The following RGS5 variants were observed in gnomAD, a reference collection of about 807,000 sequenced individuals.
The protein encoded by RGS5 is regulator of G-protein signalling 5.
Under a neutral mutation model 18.9 loss-of-function variants are expected in RGS5, and 20 were observed. The ratio of observed to expected loss-of-function variants is 1.06; its 90% CI spans 0.74 to 1.54. RGS5 has a LOEUF of 1.54. RGS5 is among the 40% of genes most tolerant of loss of function. RGS5 has a pLI of 0.00. For synonymous variants in RGS5, 57 were observed against 76.2 expected, an observed-to-expected ratio of 0.75 and a Z score of 1.31; for missense variants, 201 against 211.8, an observed-to-expected ratio of 0.95 and a Z score of 0.32.
upstream of RGS5, among the ~76,000 whole-genome samples, chr1:163,222,390 C>T (rs1647247153): frequency 2.6e-5 from 4 of 152,040 alleles, no homozygotes; most frequent in Non-Finnish European, 5.9e-5. Context: ...ACCACCAACC[C>T]CCCACCCCAT....
At chr1:163,158,874 G>A (rs938735218) in intron 3 of RGS5, among the ~76,000 whole-genome samples, 2 of 152,286 alleles carry the variant, frequency 1.3e-5, no homozygotes, top group African/African-American at 2.4e-5. Flanking sequence ...AAGCCTGGGA[G>A]CGCTACGGGA....
At chr1:163,210,246 G>A (rs1660071750) in intron 1 of RGS5, among the ~76,000 whole-genome samples, 1 of 151,990 alleles carries the variant, frequency 6.6e-6, no homozygotes, top group Admixed American at 6.6e-5. Context: ...CAATCCGCTT[G>A]CCTTGTCCTC....
At chr1:163,223,871 G>A (rs531945667) in intron 2 of RGS5, among the ~76,000 whole-genome samples, 51 of 152,256 alleles carry the variant, frequency 3.3e-4, no homozygotes, top group Non-Finnish European at 6.8e-4. Context: ...TCTATTTATA[G>A]GTCTGGGAGC....
At chr1:163,242,843 A>G (rs11804244) in intron 2 of RGS5, among the ~76,000 whole-genome samples, 30,411 of 152,200 alleles carry the variant, frequency 0.2, 3,441 homozygotes, top group Non-Finnish European at 0.25. Context: ...CAGTAGTGAC[A>G]TGATCAGATC....
At chr1:163,219,739 TTAAAAAG>T (rs1660295077), upstream of RGS5, among the ~76,000 whole-genome samples, 1 of 152,196 alleles carries the variant, frequency 6.6e-6, no homozygotes, top group South Asian at 2.1e-4. Flanking sequence ...CAATAATTTT[TTAAAAAG>T]TAAAATGTCC....
intron 2 of RGS5, among the ~76,000 whole-genome samples, chr1:163,276,966 C>T (rs972419993): frequency 1.3e-5 from 2 of 152,134 alleles, no homozygotes; most frequent in African/African-American, 2.4e-5. Flanking sequence ...TATCCTCCTC[C>T]CTTTTGGACT....
chr1:163,229,217 G>A (rs776972054), intron 2 of RGS5, among the ~76,000 whole-genome samples: 5 of 152,086 alleles, frequency 3.3e-5, no homozygotes, highest in South Asian at 4.1e-4. Flanking sequence ...GTTCCATATC[G>A]CTGGGGAGGC....
intron 2 of RGS5, among the ~76,000 whole-genome samples, chr1:163,271,630 T>A (rs1345055095): frequency 6.6e-6 from 1 of 152,222 alleles, no homozygotes; most frequent in Non-Finnish European, 1.5e-5. Context: ...GTCACTCTTT[T>A]ACTTTTCATT....
At chr1:163,206,919 T>C (rs1659968383), upstream of RGS5, 1 of 152,228 alleles carries the variant, frequency 6.6e-6, no homozygotes, top group South Asian at 2.1e-4. Context: ...TGTGTTTTGA[T>C]TTATATAAAT....
At chr1:163,171,689 GAACAA>G (rs1264600993) in intron 1 of RGS5, among the ~76,000 whole-genome samples, 7 of 152,244 alleles carry the variant, frequency 4.6e-5, no homozygotes, top group African/African-American at 1.7e-4. Flanking sequence ...GGGATAATTA[GAACAA>G]AGAAATCGAA....
intron 2 of RGS5, chr1:163,237,588 G>C (rs981532157): frequency 6.6e-6 from 1 of 152,346 alleles, no homozygotes; most frequent in African/African-American, 2.4e-5. Flanking sequence ...GGGAGGCTGA[G>C]GCAAGAGAAT....
intron 2 of RGS5, among the ~76,000 whole-genome samples, chr1:163,261,854 C>A (rs941848387): frequency 2.6e-5 from 4 of 152,020 alleles, no homozygotes; most frequent in Non-Finnish European, 4.4e-5. Flanking sequence ...TTATTATATT[C>A]TTCTCTTAGT....
chr1:163,211,327 G>A (rs1205909407), intron 1 of RGS5: 1 of 152,180 alleles, frequency 6.6e-6, no homozygotes, highest in African/African-American at 2.4e-5. Context: ...GGAGTGGGAA[G>A]GCTGAGGTTT....
intron 1 of RGS5, among the ~76,000 whole-genome samples, chr1:163,188,182 C>T (rs1659174405): frequency 1.3e-5 from 2 of 152,106 alleles, no homozygotes; most frequent in African/African-American, 4.8e-5. Flanking sequence ...GTAGATCTGA[C>T]TCCTGAGGAG....
chr1:163,192,000 G>T (rs1659376869), intron 1 of RGS5, among the ~76,000 whole-genome samples: 1 of 152,168 alleles, frequency 6.6e-6, no homozygotes, highest in Non-Finnish European at 1.5e-5. Flanking sequence ...GGAGGGTGGT[G>T]TGCCTGAAGA....
chr1:163,258,921 C>T (rs753212291), intron 2 of RGS5, among the ~76,000 whole-genome samples: 18 of 152,182 alleles, frequency 1.2e-4, no homozygotes, highest in Admixed American at 2.6e-4. Context: ...TTGTGATCCT[C>T]CCATGTCGGC....
chr1:163,160,466 A>G (rs1657756905), intron 3 of RGS5, among the ~76,000 whole-genome samples: 1 of 152,188 alleles, frequency 6.6e-6, no homozygotes, highest in Admixed American at 6.6e-5. Context: ...CATTCACTAC[A>G]TAACTATTCA....
chr1:163,211,106 G>A (rs190506256), intron 1 of RGS5: 1 of 152,316 alleles, frequency 6.6e-6, no homozygotes, highest in African/African-American at 2.4e-5. Flanking sequence ...AAAATACCCT[G>A]AAGATCATGA....
At chr1:163,189,080 T>C (rs575994982) in intron 1 of RGS5, among the ~76,000 whole-genome samples, 141 of 151,872 alleles carry the variant, frequency 9.3e-4, no homozygotes, top group African/African-American at 3.3e-3. Flanking sequence ...CTGCTTAGAG[T>C]GCAGGCCACG....
Sources: gnomAD v4.1 joint callset for allele counts (sites outside exome capture counted in the v4.1 genomes callset) on GRCh38, gnomAD v4.1.1 for gene constraint, MANE v1.5 for transcripts, NCBI Gene and HGNC (gene_info 2026-07-23, HGNC 2026-07-21) for gene names.